Variants in DMD observed in about 807,000 individuals in gnomAD.
The protein encoded by DMD is dystrophin.
In DMD, 63 loss-of-function variants were observed where a neutral mutation model predicts 330.1. The ratio of observed to expected loss-of-function variants is 0.19; its 90% CI spans 0.16 to 0.24. The LOEUF is 0.24. Among genes scored for constraint, DMD ranks in the 10% least tolerant of loss-of-function variants. The probability of loss-of-function intolerance (pLI) is 1.00; values close to 1 mark genes in which losing one functional copy is unlikely to be tolerated. For synonymous variants in DMD, 1,223 were observed against 959.8 expected (o/e 1.27, Z -5.07); for missense variants, 3,344 against 2,684.1 (o/e 1.25, Z -5.43).
intron 55 of DMD, among the ~76,000 whole-genome samples, chrX:31,607,583 T>C (rs1490184304): frequency 8.9e-6 from 1 of 112,442 alleles, no homozygotes; most frequent in Non-Finnish European, 1.9e-5. Context: ...ATATGTCTCT[T>C]TGAATTGACT....
chrX:32,580,831 TTTTC>T (rs953175990), intron 13 of DMD, among the ~76,000 whole-genome samples: 1 of 111,434 alleles, frequency 9.0e-6, no homozygotes, highest in African/African-American at 3.3e-5. Context: ...GGTATCCTTT[TTTTC>T]TTTTTCTTTG....
chrX:32,058,827 C>T (rs1413178160), intron 44 of DMD, among the ~76,000 whole-genome samples: 1 of 111,173 alleles, frequency 9.0e-6, no homozygotes, highest in Non-Finnish European at 1.9e-5. Context: ...TTTACAGTAG[C>T]CAAGAGGTGT....
chrX:32,754,638 C>A (rs776856059), intron 7 of DMD, among the ~76,000 whole-genome samples: 17 of 110,917 alleles, frequency 1.5e-4, no homozygotes, highest in Non-Finnish European at 2.5e-4. Flanking sequence ...TTCTGAAGAA[C>A]AAGCTATTAA....
intron 15 of DMD, among the ~76,000 whole-genome samples, chrX:32,572,145 TATC>T (rs2052492339): frequency 9.0e-6 from 1 of 111,690 alleles, no homozygotes; most frequent in Admixed American, 9.6e-5. Context: ...AATAATTTCT[TATC>T]AATAATAAGC....
intron 24 of DMD, 83 bp downstream of exon 24, chrX:32,464,503 C>T (rs1000675152): frequency 2.5e-5 from 19 of 759,234 alleles, no homozygotes; most frequent in East Asian, 3.4e-5. Context: ...GAGCAAAATC[C>T]ACCCCAGCTG....
intron 30 of DMD, among the ~76,000 whole-genome samples, chrX:32,411,135 C>A (rs1396578856): frequency 9.1e-6 from 1 of 110,175 alleles, no homozygotes; most frequent in Non-Finnish European, 1.9e-5. Context: ...AAAATATTTT[C>A]TTTTTTTCTT....
At chrX:32,062,816 T>C (rs1260726780) in intron 44 of DMD, among the ~76,000 whole-genome samples, 2 of 110,144 alleles carry the variant, frequency 1.8e-5, no homozygotes, top group Non-Finnish European at 3.8e-5. Context: ...AGGATCTATG[T>C]GGAAAACAGA....
At chrX:31,551,346 T>C (rs2074476254) in intron 55 of DMD, among the ~76,000 whole-genome samples, 1 of 110,807 alleles carries the variant, frequency 9.0e-6, no homozygotes, top group Admixed American at 9.6e-5. Context: ...CCCTTATTGG[T>C]TGAGTCTTGC....
Position 31,483,247 on chromosome X carries a change from C to T in DMD, c.8548-4144G>A, listed in dbSNP as rs760674560. Among the ~76,000 whole-genome samples, 525 of 108,402 alleles carry T rather than the reference C, an allele frequency of 4.8e-3. 2 individuals carry two copies. The highest frequency in any genetic ancestry group is 9.4e-3 in the Middle Eastern group (2 of 213). 94.1% of individuals were successfully genotyped at this position (108,402 alleles called of 115,157 possible). A position where few individuals can be genotyped will look rare whatever the true frequency, so the allele number is the denominator to read the frequency against. On this transcript the variant is annotated intron_variant, in intron 57 of 78. Coordinates refer to ENST00000357033, the MANE Select transcript of DMD (RefSeq NM_004006.3). ...ATTTTTAGTAGAGACGGGGTTTCAC[C>T]GTGTTAGCCAGGATGGTCTCCATCT... is the stretch of plus-strand genomic sequence containing the variant.
At chrX:31,803,164 C>A (rs1230864508) in intron 50 of DMD, among the ~76,000 whole-genome samples, 1 of 111,907 alleles carries the variant, frequency 8.9e-6, no homozygotes, top group Non-Finnish European at 1.9e-5. Context: ...AGAAAGCTCA[C>A]AAAATCTGTG....
At chrX:32,797,707 T>A (rs1455424584) in intron 7 of DMD, among the ~76,000 whole-genome samples, 7 of 111,909 alleles carry the variant, frequency 6.3e-5, no homozygotes, top group Non-Finnish European at 1.3e-4. Flanking sequence ...TAGAACCTCA[T>A]GGCTGCATTT....
intron 37 of DMD, among the ~76,000 whole-genome samples, chrX:32,360,237 T>C (rs952280280): frequency 2.7e-5 from 3 of 112,336 alleles, no homozygotes; most frequent in African/African-American, 9.7e-5. Flanking sequence ...CAAGGATCTT[T>C]ATACCCTTGT....
chrX:31,462,340 C>A (rs1007231664), intron 59 of DMD, among the ~76,000 whole-genome samples: 1 of 110,860 alleles, frequency 9.0e-6, no homozygotes, highest in Non-Finnish European at 1.9e-5. Flanking sequence ...ATTAGCCAGG[C>A]GTGGCGGTGC....
chrX:32,065,922 T>C (rs1377558887), intron 44 of DMD, among the ~76,000 whole-genome samples: 1 of 111,282 alleles, frequency 9.0e-6, no homozygotes, highest in African/African-American at 3.3e-5. Flanking sequence ...AGTACCTCTT[T>C]CTTTCCTCGA....
chrX:31,186,112 C>T (rs947241793), intron 67 of DMD, among the ~76,000 whole-genome samples: 19 of 111,879 alleles, frequency 1.7e-4, no homozygotes, highest in African/African-American at 6.2e-4. Context: ...ACCTCAACAG[C>T]ACTCCAGTCA....
intron 37 of DMD, among the ~76,000 whole-genome samples, chrX:32,359,760 A>G (rs957169637): frequency 2.7e-5 from 3 of 111,380 alleles, no homozygotes; most frequent in Admixed American, 1.9e-4. Context: ...CTATGAGCAT[A>G]ATTTATACTT....
At chrX:32,132,993 C>CTTTTCTTTTTTTTTT (rs2096705124) in intron 44 of DMD, among the ~76,000 whole-genome samples, 16 of 75,945 alleles carry the variant, frequency 2.1e-4, no homozygotes, top group African/African-American at 9.0e-4. Flanking sequence ...CTTTTCTTTT[C>CTTTTCTTTTTTTTTT]TTTTTTTTTT....
intron 48 of DMD, among the ~76,000 whole-genome samples, chrX:31,840,632 C>G (rs1337038396): frequency 9.4e-6 from 1 of 105,944 alleles, no homozygotes; most frequent in Non-Finnish European, 1.9e-5. Context: ...TTTCCAACAC[C>G]ATGTGCTTAC....
chrX:32,839,785 C>T (rs1240354534), intron 4 of DMD, among the ~76,000 whole-genome samples: 1 of 110,326 alleles, frequency 9.1e-6, no homozygotes, highest in East Asian at 2.8e-4. Context: ...GATCTCCACT[C>T]ACTGCAACCT....
Sources: gnomAD v4.1 joint callset for allele counts (sites outside exome capture counted in the v4.1 genomes callset) on GRCh38, gnomAD v4.1.1 for gene constraint, MANE v1.5 for transcripts, NCBI Gene and HGNC (gene_info 2026-07-23, HGNC 2026-07-21) for gene names.